The following HCRTR2 variants were observed in gnomAD, a reference collection of about 807,000 sequenced individuals.
HCRTR2 encodes the protein hypocretin receptor 2.
HCRTR2 carries 22 observed loss-of-function variants against 49.0 expected under a neutral mutation model. The observed-to-expected ratio is 0.45, with a 90% CI of 0.32 to 0.64. The LOEUF (loss-of-function observed/expected upper bound fraction) is 0.64, where lower values mean the gene tolerates loss of function less well. Ranked by LOEUF, HCRTR2 falls within the 30% of genes least tolerant of loss-of-function variation. The probability of loss-of-function intolerance (pLI) is 0.04; values close to 1 mark genes in which losing one functional copy is unlikely to be tolerated. For missense variants in HCRTR2, 491 were observed against 559.4 expected (o/e 0.88, Z 1.23); for synonymous variants, 236 against 205.3 (o/e 1.15, Z -1.28).
intron 1 of HCRTR2, among the ~76,000 whole-genome samples, chr6:55,161,992 C>T (rs1365937289): frequency 6.6e-6 from 1 of 152,138 alleles, no homozygotes; most frequent in Non-Finnish European, 1.5e-5. Context: ...ATGAGGCTGG[C>T]ATCATCCTGA....
At chr6:55,145,404 T>G (rs9475169) in intron 1 of HCRTR2, among the ~76,000 whole-genome samples, 1 of 116,542 alleles carries the variant, frequency 8.6e-6, no homozygotes, top group Non-Finnish European at 1.7e-5. Context: ...TTTTTTTTTT[T>G]GTTTTTTTGT....
intron 1 of HCRTR2, among the ~76,000 whole-genome samples, chr6:55,244,410 G>T (rs1766392594): frequency 6.6e-6 from 1 of 151,884 alleles, no homozygotes; most frequent in Admixed American, 6.6e-5. Flanking sequence ...AAACTATTAG[G>T]AGGTCACTGC....
intron 1 of HCRTR2, among the ~76,000 whole-genome samples, chr6:55,124,140 TTCTTG>T (rs1189959711): frequency 2.0e-5 from 3 of 152,180 alleles, no homozygotes; most frequent in Admixed American, 6.6e-5. Flanking sequence ...TCTTAGTTAT[TTCTTG>T]TCTTCTGCTA....
intron 1 of HCRTR2, among the ~76,000 whole-genome samples, chr6:55,225,466 G>A (rs1175959488): frequency 1.3e-5 from 2 of 151,996 alleles, no homozygotes; most frequent in East Asian, 3.9e-4. Flanking sequence ...GTGATACAAA[G>A]GCATATGAGT....
At chr6:55,229,993 G>A (rs1228112343) in intron 1 of HCRTR2, among the ~76,000 whole-genome samples, 2 of 152,118 alleles carry the variant, frequency 1.3e-5, no homozygotes, top group Non-Finnish European at 1.5e-5. Flanking sequence ...CAAAATGGAA[G>A]GTCCCCAGAG....
intron 2 of HCRTR2, among the ~76,000 whole-genome samples, chr6:55,252,382 T>C (rs78464348): frequency 0.029 from 4,371 of 152,210 alleles, 270 homozygotes; most frequent in Admixed American, 0.15. Flanking sequence ...ATCCCATTTA[T>C]CCATGTTGAT....
At chr6:55,213,466 C>G (rs927616991) in intron 1 of HCRTR2, among the ~76,000 whole-genome samples, 1 of 152,148 alleles carries the variant, frequency 6.6e-6, no homozygotes, top group African/African-American at 2.4e-5. Flanking sequence ...GGACCTCCTT[C>G]CGTCCATGGA....
intron 1 of HCRTR2, among the ~76,000 whole-genome samples, chr6:55,210,590 G>A (rs1352630058): frequency 6.6e-6 from 1 of 152,132 alleles, no homozygotes; most frequent in Non-Finnish European, 1.5e-5. Context: ...AACAAACATG[G>A]AGAATAAAAT....
chr6:55,216,208 T>C (rs34180141), intron 1 of HCRTR2, among the ~76,000 whole-genome samples: 4 of 152,228 alleles, frequency 2.6e-5, no homozygotes, highest in East Asian at 3.8e-4. Context: ...CTTAATACTG[T>C]TACATTAGTA....
chr6:55,109,513 G>A (rs1183562177), intron 1 of HCRTR2, among the ~76,000 whole-genome samples: 1 of 151,830 alleles, frequency 6.6e-6, no homozygotes, highest in Non-Finnish European at 1.5e-5. Context: ...CAGAGAAATA[G>A]GTAGCATAAG....
chr6:55,162,707 G>C (rs1259678510), intron 1 of HCRTR2, among the ~76,000 whole-genome samples: 1 of 152,086 alleles, frequency 6.6e-6, no homozygotes, highest in African/African-American at 2.4e-5. Flanking sequence ...GACAAACAGA[G>C]AGCCAAATCA....
chr6:55,244,488 T>C (rs1387838072), intron 1 of HCRTR2, among the ~76,000 whole-genome samples: 1 of 151,638 alleles, frequency 6.6e-6, no homozygotes, highest in African/African-American at 2.4e-5. Context: ...AAGAATATAA[T>C]AGAGGAAAGA....
rs141923750 is a variant in HCRTR2 at position 55,271,904 on chromosome 6, A to G, written c.763-5476A>G. ...GATGTGGAGTAATTGGAATCCTTCTACATTGTTGGTGGGAATGCAAAACGA... is the reference window on the plus strand; with the variant it reads ...GATGTGGAGTAATTGGAATCCTTCTGCATTGTTGGTGGGAATGCAAAACGA... On this transcript the variant is annotated intron_variant, in intron 4 of 6. Coordinates refer to ENST00000370862, the MANE Select transcript of HCRTR2 (RefSeq NM_001384272.1). 1.2e-4 allele frequency among the ~76,000 whole-genome samples: 19 copies of G among 152,252 alleles called. No individual in the cohort carries two copies. In the East Asian group the frequency reaches 3.3e-3, roughly 26 times the overall value.
intron 1 of HCRTR2, among the ~76,000 whole-genome samples, chr6:55,115,949 T>G (rs1216007365): frequency 3.3e-5 from 5 of 151,814 alleles, no homozygotes; most frequent in African/African-American, 4.8e-5. Context: ...TATCTATGCA[T>G]GCATATGTTT....
chr6:55,230,702 T>C (rs139947425), intron 1 of HCRTR2, among the ~76,000 whole-genome samples: 1 of 146,186 alleles, frequency 6.8e-6, no homozygotes, highest in African/African-American at 2.4e-5. Flanking sequence ...TTTTAAAACA[T>C]GTGTAAGGCA....
At position 55,221,257 on chromosome 6, in the gene HCRTR2, C is replaced by T. The variant is rs184747407; in HGVS notation, c.224-27382C>T. The stretch of plus-strand genomic sequence containing the variant: ...GAAAGAAGAGCAAAGTAGAGGGTCT[C>T]ATGCTTCCTGACTTCAAAACATATT... On this transcript the variant is annotated intron_variant, in intron 1 of 6. Coordinates refer to ENST00000370862, the MANE Select transcript of HCRTR2 (RefSeq NM_001384272.1). Among the ~76,000 whole-genome samples the T allele has an allele frequency of 3.4e-4, 52 of 152,280 alleles. 1 individual carries two copies. The East Asian group carries it at 8.7e-3, about 25-fold the overall frequency.
chr6:55,112,152 T>TAAAAGCTATCTATGAC (rs1554165549), intron 1 of HCRTR2, among the ~76,000 whole-genome samples: 1 of 151,934 alleles, frequency 6.6e-6, no homozygotes, highest in Non-Finnish European at 1.5e-5. Flanking sequence ...CTTAGGGTAA[T>TAAAAGCTATCTATGAC]AAAAGCTATC....
intron 1 of HCRTR2, among the ~76,000 whole-genome samples, chr6:55,189,355 A>C (rs1378217215): frequency 1.3e-5 from 2 of 152,214 alleles, no homozygotes; most frequent in Non-Finnish European, 2.9e-5. Flanking sequence ...TGTTGTGAGA[A>C]TGAAGTTAAG....
rs557659333 is a variant in HCRTR2, at chr6:55,164,984, T to A, written c.-377-9227T>A. On this transcript the variant is annotated intron_variant, in intron 1 of 7. Coordinates refer to the HCRTR2 transcript ENST00000615358. The stretch of plus-strand genomic sequence containing the variant: ...AAAAAAGAAGATGAAATAATTTTTT[T>A]AAAAATTCATGCAGAAATTTTGGAG... 2.6e-3 allele frequency among the ~76,000 whole-genome samples: 389 copies of A among 152,238 alleles called. 7 individuals are homozygous for A. Among genetic ancestry groups the A allele is most frequent in the South Asian group, 0.018 (86 of 4,828 alleles).
Sources: gnomAD v4.1 joint callset for allele counts (sites outside exome capture counted in the v4.1 genomes callset) on GRCh38, gnomAD v4.1.1 for gene constraint, MANE v1.5 for transcripts, NCBI Gene and HGNC (gene_info 2026-07-23, HGNC 2026-07-21) for gene names.